SLC1A3: variants seen among roughly 807,000 people sequenced by gnomAD.
SLC1A3 encodes the protein excitatory amino acid transporter 1.
Under a neutral mutation model 48.1 loss-of-function variants are expected in SLC1A3, and 21 were observed. The observed-to-expected ratio is 0.44, with a 90% CI of 0.31 to 0.63. The LOEUF is 0.63. Ranked by LOEUF, SLC1A3 falls within the 20% of genes least tolerant of loss-of-function variation. The probability of loss-of-function intolerance (pLI) is 0.08; values close to 1 mark genes in which losing one functional copy is unlikely to be tolerated. For missense variants in SLC1A3, 546 were observed against 689.0 expected, an observed-to-expected ratio of 0.79 and a Z score of 2.32; for synonymous variants, 239 against 251.4, an observed-to-expected ratio of 0.95 and a Z score of 0.47.
chr5:36,621,040 G>A (rs578073416), intron 2 of SLC1A3, among the ~76,000 whole-genome samples: 142 of 151,986 alleles, frequency 9.3e-4, no homozygotes, highest in African/African-American at 3.4e-3. Context: ...TGAGTAGCTG[G>A]GACAACAGGT....
At chr5:36,668,732 T>A (rs1036863610) in intron 3 of SLC1A3, 4 of 152,208 alleles carry the variant, frequency 2.6e-5, no homozygotes, top group Non-Finnish European at 1.5e-5. Context: ...TTAGAAAGTA[T>A]GAAGAAAATG....
At chr5:36,607,279 G>A (rs1738991048) in intron 1 of SLC1A3, 1 of 152,084 alleles carries the variant, frequency 6.6e-6, no homozygotes. Context: ...CGCACACGCT[G>A]GCTGCTTGCG....
chr5:36,625,535 A>T (rs1739868987), intron 2 of SLC1A3, among the ~76,000 whole-genome samples: 1 of 152,222 alleles, frequency 6.6e-6, no homozygotes, highest in African/African-American at 2.4e-5. Flanking sequence ...CACCATCGTT[A>T]ACACATAGTA....
intron 3 of SLC1A3, chr5:36,668,001 T>G (rs1741827833): frequency 6.6e-6 from 1 of 152,194 alleles, no homozygotes; most frequent in Admixed American, 6.5e-5. Flanking sequence ...CGTAACACAC[T>G]CCCACAATTA....
At chr5:36,618,503 A>G (rs1236154555) in intron 2 of SLC1A3, among the ~76,000 whole-genome samples, 1 of 152,178 alleles carries the variant, frequency 6.6e-6, no homozygotes, top group East Asian at 1.9e-4. Flanking sequence ...CTGTCCACAA[A>G]TAATTCCCCA....
chr5:36,653,790 A>G (rs1305834517), intron 3 of SLC1A3, among the ~76,000 whole-genome samples: 1 of 152,210 alleles, frequency 6.6e-6, no homozygotes, highest in Non-Finnish European at 1.5e-5. Context: ...CAATAAATGC[A>G]TCCCACATGA....
chr5:36,680,309 G>T, intron 7 of SLC1A3, 86 bp from the exon 8 acceptor site: 1 of 1,086,576 alleles, frequency 9.2e-7, no homozygotes, highest in South Asian at 1.3e-5. Context: ...GGGAGAGGAA[G>T]GAACTGTCTG....
At chr5:36,668,874 A>G (rs1741871665) in intron 3 of SLC1A3, 1 of 152,266 alleles carries the variant, frequency 6.6e-6, no homozygotes. Context: ...GAGAAGGGAC[A>G]TTAAACCTCA....
At chr5:36,663,179 T>A (rs1741585134) in intron 3 of SLC1A3, among the ~76,000 whole-genome samples, 2 of 152,112 alleles carry the variant, frequency 1.3e-5, no homozygotes, top group Non-Finnish European at 2.9e-5. Flanking sequence ...AGAATGTTTC[T>A]CTTTTGCTTT....
intron 9 of SLC1A3, among the ~76,000 whole-genome samples, chr5:36,684,909 A>G (rs1476982022): frequency 6.6e-6 from 1 of 152,288 alleles, no homozygotes. Flanking sequence ...GTACTGCAAG[A>G]TTCAGTGCAA....
At chr5:36,674,195 C>A in intron 5 of SLC1A3, 104 bp downstream of exon 5, 1 of 921,042 alleles carries the variant, frequency 1.1e-6, no homozygotes, top group Non-Finnish European at 1.8e-6. Flanking sequence ...ATAAGAAACA[C>A]TTCTCTTGTC....
chr5:36,615,877 T>C (rs1412997259), intron 2 of SLC1A3, among the ~76,000 whole-genome samples: 3 of 152,220 alleles, frequency 2.0e-5, no homozygotes, highest in African/African-American at 7.2e-5. Flanking sequence ...GCACAGAGTT[T>C]AGCGACTATA....
Position 36,671,241 on chromosome 5 carries a change from C to T in SLC1A3, c.524+8C>T. The T allele has an allele frequency of 1.2e-6, 2 of 1,604,750 alleles. No homozygotes were observed. Among genetic ancestry groups the T allele is most frequent in the South Asian group, 2.2e-5 (2 of 90,654 alleles). On this transcript the variant is annotated splice_region_variant and intron_variant, in intron 4 of 9. Coordinates refer to ENST00000265113, the MANE Select transcript of SLC1A3 (RefSeq NM_004172.5). The stretch of plus-strand genomic sequence containing the variant: ...CTTCCTGGACTTGATCAGGTATGTC[C>T]TTGCAAGCCCGTCCTTTGGGGTGTA...
chr5:36,679,568 T>A, intron 6 of SLC1A3, 59 bp from the exon 7 acceptor site: 1 of 1,227,308 alleles, frequency 8.1e-7, no homozygotes, highest in South Asian at 1.2e-5. Context: ...CTTGGAAATT[T>A]CTGTGGACTA....
chr5:36,683,109 CA>C (rs752988067), intron 8 of SLC1A3, among the ~76,000 whole-genome samples: 1 of 152,198 alleles, frequency 6.6e-6, no homozygotes, highest in Non-Finnish European at 1.5e-5. Context: ...ATTCTTTTGA[CA>C]ACATTAATCA....
chr5:36,648,488 A>G (rs559897103), intron 3 of SLC1A3, among the ~76,000 whole-genome samples: 3 of 152,314 alleles, frequency 2.0e-5, no homozygotes, highest in African/African-American at 7.2e-5. Context: ...TCCCTTCCTC[A>G]GAATAGTCTG....
At position 36,617,415 on chromosome 5, in the gene SLC1A3, CTTTTTTTTTTTTT is replaced by C. The variant is rs34710652; in HGVS notation, c.181+8821_181+8833del. On this transcript the variant is annotated intron_variant, in intron 2 of 9. Coordinates refer to ENST00000265113, the MANE Select transcript of SLC1A3 (RefSeq NM_004172.5). The stretch of plus-strand genomic sequence containing the variant: ...AGAAAGAGGGAGAAAAGGTTGCGGG[CTTTTTTTTTTTTT>C]TTTTTTTTTGGCCTATTTTATTTTA... Among the ~76,000 whole-genome samples, 33 of 57,690 alleles carry C rather than the reference CTTTTTTTTTTTTT, an allele frequency of 5.7e-4. 2 individuals are homozygous for C. The highest frequency in any genetic ancestry group is 2.0e-3 in the African/African-American group (31 of 15,448). The allele number at this position is 57,690 out of a possible 152,430, so 37.8% of individuals were successfully genotyped here. A position where few individuals can be genotyped will look rare whatever the true frequency, so the allele number is the denominator to read the frequency against.
chr5:36,598,633 G>A (rs1738770656), intron 1 of SLC1A3, among the ~76,000 whole-genome samples: 1 of 152,086 alleles, frequency 6.6e-6, no homozygotes, highest in African/African-American at 2.4e-5. Flanking sequence ...GCAAAAATAA[G>A]CAAGTGAAAT....
At chr5:36,681,289 T>C (rs923007889) in intron 8 of SLC1A3, among the ~76,000 whole-genome samples, 1 of 152,216 alleles carries the variant, frequency 6.6e-6, no homozygotes, top group Non-Finnish European at 1.5e-5. Context: ...AATAGACCAA[T>C]AAATATGTCT....
Sources: gnomAD v4.1 joint callset for allele counts (sites outside exome capture counted in the v4.1 genomes callset) on GRCh38, gnomAD v4.1.1 for gene constraint, MANE v1.5 for transcripts, NCBI Gene and HGNC (gene_info 2026-07-23, HGNC 2026-07-21) for gene names.